Variants in TTC23L observed in about 807,000 individuals in gnomAD.
The protein encoded by TTC23L is tetratricopeptide repeat protein 23-like.
In TTC23L, 42 loss-of-function variants were observed where a neutral mutation model predicts 48.1. The observed-to-expected ratio is 0.87, with a 90% CI of 0.68 to 1.13. TTC23L has a LOEUF of 1.13. Among genes scored for constraint, TTC23L ranks in the 50% most tolerant of loss-of-function variants. The pLI, the probability that TTC23L is intolerant of heterozygous loss-of-function variation, is 0.00. For synonymous variants in TTC23L, 159 were observed against 157.2 expected (o/e 1.01, Z -0.09); for missense variants, 391 against 421.0 (o/e 0.93, Z 0.62).
At chr5:34,859,788 A>C (rs1182055131) in intron 4 of TTC23L, among the ~76,000 whole-genome samples, 2 of 151,526 alleles carry the variant, frequency 1.3e-5, no homozygotes, top group African/African-American at 4.8e-5. Flanking sequence ...TTACATATTC[A>C]ATGCATAGCT....
chr5:34,915,640 G>T, the TTC23L span: 2 of 1,401,992 alleles, frequency 1.4e-6, no homozygotes. Context: ...GAGGACGACC[G>T]CGGAGCTGAG....
the TTC23L span, chr5:34,905,340 C>T: frequency 1.3e-5 from 2 of 152,182 alleles, no homozygotes; most frequent in Admixed American, 6.5e-5. Flanking sequence ...AGAAGGAAGT[C>T]TCTATGTTCT....
At chr5:34,891,883 G>C (rs148300463) in intron 9 of TTC23L, among the ~76,000 whole-genome samples, 6 of 152,288 alleles carry the variant, frequency 3.9e-5, no homozygotes, top group Admixed American at 2.0e-4. Flanking sequence ...ACCTTAGGTG[G>C]TATGAGTTTC....
intron 9 of TTC23L, among the ~76,000 whole-genome samples, chr5:34,889,832 T>TG (rs1762747486): frequency 6.6e-6 from 1 of 151,996 alleles, no homozygotes; most frequent in Admixed American, 6.6e-5. Context: ...GGTGGGGTTT[T>TG]TTTTTGTTTT....
the TTC23L span, chr5:34,914,540 A>G: frequency 1.4e-6 from 1 of 731,884 alleles, no homozygotes; most frequent in Non-Finnish European, 2.2e-6. Flanking sequence ...TTTGTTCTCT[A>G]ACTTAAGACT....
the TTC23L span, among the ~76,000 whole-genome samples, chr5:34,923,754 C>CA: frequency 5.3e-5 from 8 of 152,108 alleles, no homozygotes; most frequent in Admixed American, 1.3e-4. Context: ...TTTGCATACA[C>CA]AAAAAATGCA....
the TTC23L span, chr5:34,919,970 A>G: frequency 1.7e-6 from 1 of 573,936 alleles, no homozygotes. Flanking sequence ...TGACTTTAAA[A>G]ATTATTTTGT....
intron 4 of TTC23L, among the ~76,000 whole-genome samples, chr5:34,861,916 G>C (rs1299661821): frequency 2.6e-5 from 4 of 152,152 alleles, no homozygotes; most frequent in African/African-American, 9.7e-5. Flanking sequence ...ATAGCAGCTT[G>C]AGTAAGTGCC....
intron 7 of TTC23L, chr5:34,867,304 C>T (rs1329751375): frequency 3.6e-6 from 2 of 557,642 alleles, no homozygotes; most frequent in Non-Finnish European, 6.4e-6. Context: ...GCAGACAGCA[C>T]TTCCCCCTCC....
At position 34,880,201 on chromosome 5, in the gene TTC23L, A is replaced by G. The variant is rs528367394; in HGVS notation, c.970A>G (p.Ile324Val). 274 of 1,612,186 alleles carry G rather than the reference A, an allele frequency of 1.7e-4. 3 individuals carry two copies. The South Asian group carries it at 2.7e-3, about 16-fold the overall frequency. ...TCCAGATGCTGTTGAGATATATTTC[A>G]TAAGAAGTATCAATGCATATCGAGC... Residue 324 changes from isoleucine (I) to valine (V), a missense_variant, in exon 9 of 11, where the codon ATA becomes GTA. Ile to Val is a conservative substitution (Grantham distance 29, BLOSUM62 3). Transcript: ENST00000505624.
chr5:34,911,478 T>C, the TTC23L span: 1 of 1,514,584 alleles, frequency 6.6e-7, no homozygotes, highest in South Asian at 1.3e-5. Context: ...ATAAAAATTT[T>C]GCATCCTAAG....
chr5:34,918,365 G>A, the TTC23L span: 5 of 1,392,108 alleles, frequency 3.6e-6, no homozygotes, highest in Non-Finnish European at 5.1e-6. Flanking sequence ...TTTCTTTAGG[G>A]AAAGTGGAAA....
the TTC23L span, chr5:34,925,283 A>C: frequency 2.6e-5 from 42 of 1,613,282 alleles, no homozygotes; most frequent in African/African-American, 5.4e-5. Context: ...ACAGCAAGTG[A>C]AAGATGTGCA....
the TTC23L span, chr5:34,921,101 A>G: frequency 6.6e-6 from 1 of 152,242 alleles, no homozygotes; most frequent in Non-Finnish European, 1.5e-5. Context: ...TCGGCCTCCC[A>G]AAGTGCTGGG....
chr5:34,893,721 T>C (rs1372813577), intron 9 of TTC23L, among the ~76,000 whole-genome samples: 2 of 152,140 alleles, frequency 1.3e-5, no homozygotes, highest in East Asian at 1.9e-4. Context: ...ATCATTATTG[T>C]ATTATTTAGG....
At chr5:34,909,293 C>T in the TTC23L span, 2 of 1,611,148 alleles carry the variant, frequency 1.2e-6, no homozygotes, top group Non-Finnish European at 1.7e-6. Flanking sequence ...GAAATGCTTC[C>T]ATCAAATCAG....
intron 4 of TTC23L, chr5:34,861,047 A>C (rs1342411920): frequency 6.6e-6 from 1 of 152,310 alleles, no homozygotes; most frequent in East Asian, 1.9e-4. Flanking sequence ...AGCTCACTGC[A>C]GCCTCTGCCT....
At chr5:34,860,371 G>A (rs1017120013) in intron 4 of TTC23L, among the ~76,000 whole-genome samples, 39 of 152,136 alleles carry the variant, frequency 2.6e-4, no homozygotes, top group African/African-American at 7.0e-4. Flanking sequence ...CTACTTCTTC[G>A]ATAAAGATTT....
intron 4 of TTC23L, among the ~76,000 whole-genome samples, chr5:34,859,869 A>AATCTCAC (rs1760455481): frequency 8.4e-6 from 1 of 119,286 alleles, no homozygotes; most frequent in Non-Finnish European, 1.6e-5. Flanking sequence ...TTTGAGACGG[A>AATCTCAC]ATCTCACTCT....
Sources: allele counts gnomAD v4.1 joint callset (sites outside exome capture counted in the v4.1 genomes callset), GRCh38; gene constraint gnomAD v4.1.1; transcripts MANE v1.5; gene names NCBI Gene and HGNC (gene_info 2026-07-23, HGNC 2026-07-21).